DDX31: variants seen among roughly 807,000 people sequenced by gnomAD.
DDX31 encodes DEAD-box helicase 31.
Under a neutral mutation model 91.3 loss-of-function variants are expected in DDX31, and 70 were observed. The observed-to-expected ratio is 0.77, with a 90% CI of 0.63 to 0.94. The LOEUF (loss-of-function observed/expected upper bound fraction) is 0.94. DDX31 is among the 40% of genes least tolerant of loss of function. The probability of loss-of-function intolerance (pLI) is 0.00; values close to 1 mark genes in which losing one functional copy is unlikely to be tolerated. For missense variants in DDX31, 902 were observed against 925.0 expected (o/e 0.98, Z 0.32); for synonymous variants, 362 against 350.6 (o/e 1.03, Z -0.36).
intron 6 of DDX31, among the ~76,000 whole-genome samples, chr9:132,653,310 A>G (rs2130801120): frequency 6.6e-6 from 1 of 151,786 alleles, no homozygotes. Context: ...CCTGGCCAAC[A>G]TGGTGAAACC....
At position 132,651,097 on chromosome 9, in the gene DDX31, T is replaced by A. The variant is rs200389328; in HGVS notation, c.653A>T (p.Asp218Val). ...PTRELALQSFDTVQKLLKPFT... is the reference protein window; with the variant it reads ...PTRELALQSFVTVQKLLKPFT... Reference sequence around the variant, plus strand: ...TACCTTAAGCAGTTTCTGGACAGTGTCAAAGCTTTGTAGAGCTAGCTGTAA... The same window carrying A: ...TACCTTAAGCAGTTTCTGGACAGTGACAAAGCTTTGTAGAGCTAGCTGTAA... Residue 218 changes from aspartate to valine, a missense_variant, in exon 8 of 20, where the codon GAC (aspartate) becomes GTC (valine). Physicochemically the swap from Asp to Val is radical, Grantham distance 152. Transcript: ENST00000372159. 5.1e-4 allele frequency: 817 copies of A among 1,612,172 alleles called. 15 individuals carry two copies. The South Asian group carries it at 8.5e-3, about 17-fold the overall frequency.
intron 6 of DDX31, among the ~76,000 whole-genome samples, chr9:132,657,270 A>G (rs954524685): frequency 1.3e-5 from 2 of 152,236 alleles, no homozygotes; most frequent in Non-Finnish European, 2.9e-5. Flanking sequence ...ATTCAGGCTT[A>G]TAATTTCAGA....
chr9:132,648,675 AATC>A (rs1451306209), intron 9 of DDX31, 124 bp from the exon 10 acceptor site: 65 of 1,156,766 alleles, frequency 5.6e-5, no homozygotes, highest in Non-Finnish European at 6.4e-5. Flanking sequence ...CATAGCCTGA[AATC>A]ATGACAAAAC....
In DDX31 at chr9:132,662,426, C is replaced by T. The variant is rs1455205568; in HGVS notation, c.332+13G>A. ...TTTTTTTCTTCCTGAAGGGCATCCG[C>T]CCCTGGACATACCTGTGGAGTTCTG... On this transcript the variant is annotated intron_variant, in intron 2 of 19. Coordinates refer to ENST00000372159, the MANE Select transcript of DDX31 (RefSeq NM_022779.9). 1 of 1,614,124 alleles carries T rather than the reference C, an allele frequency of 6.2e-7. No individual in the cohort carries two copies. Among genetic ancestry groups the T allele is most frequent in the South Asian group, 1.1e-5 (1 of 91,084 alleles).
In DDX31 at chr9:132,622,853, G is replaced by A. The variant is rs540207589; in HGVS notation, c.1713+2811C>T. On this transcript the variant is annotated intron_variant, in intron 17 of 19. Transcript: ENST00000372159. ...AATAATAAAAAATGCCCTTTGGGCCGCGTGTGGTGGCTCATGCTTGTAATC... is the reference window on the plus strand; with the variant it reads ...AATAATAAAAAATGCCCTTTGGGCCACGTGTGGTGGCTCATGCTTGTAATC... Among the ~76,000 whole-genome samples the A allele has an allele frequency of 1.6e-4, 24 of 152,086 alleles. 1 individual carries two copies. The South Asian group carries it at 2.5e-3, about 16-fold the overall frequency.
At chr9:132,597,890 C>T (rs1452108544) in intron 19 of DDX31, among the ~76,000 whole-genome samples, 1 of 152,222 alleles carries the variant, frequency 6.6e-6, no homozygotes, top group African/African-American at 2.4e-5. Context: ...AACAGGAGGG[C>T]CCACGTGGTG....
intron 19 of DDX31, among the ~76,000 whole-genome samples, chr9:132,599,277 T>C (rs1163946111): frequency 6.6e-6 from 1 of 152,156 alleles, no homozygotes; most frequent in Admixed American, 6.5e-5. Context: ...GGGCCAAAAA[T>C]CAGTAATGCA....
intron 8 of DDX31, 124 bp from the exon 9 acceptor site, chr9:132,650,422 T>A: frequency 1.1e-6 from 1 of 877,576 alleles, no homozygotes; most frequent in South Asian, 1.5e-5. Flanking sequence ...TTGTATAAGG[T>A]GTTATTGTGC....
chr9:132,651,141 A>G, intron 7 of DDX31, 25 bp from the exon 8 acceptor site: 1 of 1,579,204 alleles, frequency 6.3e-7, no homozygotes, highest in South Asian at 1.2e-5. Context: ...AAAGTTATAG[A>G]TGATGAACAG....
intron 8 of DDX31, 22 bp downstream of exon 8, chr9:132,651,053 T>A (rs780857595): frequency 1.0e-5 from 16 of 1,602,136 alleles, no homozygotes; most frequent in Non-Finnish European, 1.4e-5. Context: ...CAAGATGAAA[T>A]GGAACTCATG....
intron 14 of DDX31, among the ~76,000 whole-genome samples, chr9:132,635,228 G>A (rs58771991): frequency 0.097 from 14,678 of 152,064 alleles, 831 homozygotes; most frequent in Admixed American, 0.17. Context: ...TGAGTAAGTA[G>A]CTGGGGAGTT....
At chr9:132,643,843 T>C (rs773520338) in intron 13 of DDX31, among the ~76,000 whole-genome samples, 25 of 150,146 alleles carry the variant, frequency 1.7e-4, no homozygotes, top group Non-Finnish European at 3.3e-4. Flanking sequence ...AGAATCAAAA[T>C]CAGAAAAAAA....
At chr9:132,644,518 C>A (rs887194939) in intron 13 of DDX31, among the ~76,000 whole-genome samples, 1 of 152,132 alleles carries the variant, frequency 6.6e-6, no homozygotes, top group Non-Finnish European at 1.5e-5. Context: ...AAGCAGGGTG[C>A]CCCCAGAGGG....
intron 19 of DDX31, among the ~76,000 whole-genome samples, chr9:132,608,340 C>T (rs1421207042): frequency 2.0e-5 from 3 of 152,142 alleles, no homozygotes; most frequent in Non-Finnish European, 4.4e-5. Context: ...CCTTGCAGAA[C>T]TGAGCACTGG....
intron 16 of DDX31, among the ~76,000 whole-genome samples, chr9:132,626,940 GGA>G (rs1184662209): frequency 1.3e-5 from 2 of 152,056 alleles, no homozygotes; most frequent in South Asian, 2.1e-4. Context: ...GGAGTCAGAG[GGA>G]GAGTGCCCTG....
At chr9:132,654,933 G>A (rs1443557273) in intron 6 of DDX31, among the ~76,000 whole-genome samples, 3 of 129,790 alleles carry the variant, frequency 2.3e-5, no homozygotes, top group Admixed American at 8.9e-5. Context: ...GCAACAGAGC[G>A]AGACTCTGTC....
chr9:132,669,493 T>C, intron 1 of DDX31: 1 of 1,084,534 alleles, frequency 9.2e-7, no homozygotes, highest in South Asian at 1.4e-5. Flanking sequence ...CAGAGCTTAG[T>C]CCGCACTCAG....
chr9:132,595,724 A>G lies in DDX31; in HGVS notation c.1995-612T>C, dbSNP rs910548791. 2.0e-5 allele frequency among the ~76,000 whole-genome samples: 3 copies of G among 152,328 alleles called. No homozygotes were observed. Among genetic ancestry groups the G allele is most frequent in the Non-Finnish European group, 4.4e-5 (3 of 68,030 alleles). ...CCAAACCCAGGGCACAGCCTGGTCA[A>G]TGTCTGCATCTAGGATTAGACCAGC... On this transcript the variant is annotated intron_variant, in intron 19 of 19. Coordinates refer to ENST00000372159, the MANE Select transcript of DDX31 (RefSeq NM_022779.9). The surrounding 1 kb of genome is among the most constrained non-coding windows in gnomAD (Gnocchi z 4.6).
At chr9:132,617,196 TC>T in intron 18 of DDX31, among the ~76,000 whole-genome samples, 1 of 152,210 alleles carries the variant, frequency 6.6e-6, no homozygotes, top group Middle Eastern at 3.4e-3. Context: ...AGAATGCCCT[TC>T]CTTTAGAGAG....
Sources: allele counts gnomAD v4.1 joint callset (sites outside exome capture counted in the v4.1 genomes callset), GRCh38; gene constraint gnomAD v4.1.1; non-coding constraint Gnocchi (gnomAD v3.1); transcripts MANE v1.5; gene names NCBI Gene and HGNC (gene_info 2026-07-23, HGNC 2026-07-21).